The following SCAPER variants were observed in gnomAD, a reference collection of about 807,000 sequenced individuals.
SCAPER encodes the protein S-phase cyclin A associated protein in the ER.
SCAPER carries 98 observed loss-of-function variants against 182.2 expected under a neutral mutation model. The observed-to-expected ratio is 0.54, with a 90% CI of 0.46 to 0.64. SCAPER has a LOEUF of 0.64. SCAPER is among the 30% of genes least tolerant of loss of function. The pLI, the probability that SCAPER is intolerant of heterozygous loss-of-function variation, is 0.00. For missense variants in SCAPER, 1,432 were observed against 1,690.0 expected (o/e 0.85, Z 2.68); for synonymous variants, 605 against 564.6 (o/e 1.07, Z -1.01).
chr15:76,506,615 A>C (rs973738416), intron 23 of SCAPER, among the ~76,000 whole-genome samples: 1 of 152,116 alleles, frequency 6.6e-6, no homozygotes, highest in Admixed American at 6.6e-5. Context: ...GGAAGAGAAG[A>C]AGCACTCCAG....
At chr15:76,668,212 C>T (rs867275788) in intron 20 of SCAPER, among the ~76,000 whole-genome samples, 7 of 152,150 alleles carry the variant, frequency 4.6e-5, no homozygotes, top group African/African-American at 1.7e-4. Context: ...CTTATCCCTA[C>T]CACCACCACC....
At chr15:76,561,529 G>A (rs1045319917) in intron 23 of SCAPER, among the ~76,000 whole-genome samples, 5 of 151,934 alleles carry the variant, frequency 3.3e-5, no homozygotes, top group African/African-American at 9.7e-5. Context: ...TAATAAAACC[G>A]ATACTTGAGG....
At chr15:76,605,192 G>A (rs916272723) in intron 22 of SCAPER, among the ~76,000 whole-genome samples, 8 of 152,106 alleles carry the variant, frequency 5.3e-5, no homozygotes, top group South Asian at 2.1e-4. Flanking sequence ...TTTGAGATAC[G>A]ACCCATCAAT....
At chr15:76,900,937 T>C (rs1595969171) in intron 1 of SCAPER, among the ~76,000 whole-genome samples, 1 of 152,222 alleles carries the variant, frequency 6.6e-6, no homozygotes, top group Non-Finnish European at 1.5e-5. Context: ...ACCCATGTTT[T>C]TGCCTTTTCC....
At chr15:76,415,285 T>C (rs1021905175) in intron 26 of SCAPER, among the ~76,000 whole-genome samples, 1 of 152,228 alleles carries the variant, frequency 6.6e-6, no homozygotes, top group African/African-American at 2.4e-5. Context: ...GTATAAATTT[T>C]TGTCAGCAAA....
rs553308598 is a variant in SCAPER at position 76,513,062 on chromosome 15, C to T, written c.2839-8088G>A. Among the ~76,000 whole-genome samples the T allele has an allele frequency of 2.6e-5, 4 of 152,214 alleles. No individual in the cohort carries two copies. In the East Asian group the frequency reaches 7.7e-4, roughly 29 times the overall value. ...GTATCATCCTAAGTTCTTCATGTCCCACATCAAGCCCTATTCATCCATCAC... is the reference window on the plus strand; with the variant it reads ...GTATCATCCTAAGTTCTTCATGTCCTACATCAAGCCCTATTCATCCATCAC... On this transcript the variant is annotated intron_variant, in intron 23 of 31. Coordinates refer to ENST00000563290, the MANE Select transcript of SCAPER (RefSeq NM_020843.4).
intron 20 of SCAPER, among the ~76,000 whole-genome samples, chr15:76,688,911 C>T (rs1472931711): frequency 6.8e-6 from 1 of 147,462 alleles, no homozygotes; most frequent in Non-Finnish European, 1.5e-5. Flanking sequence ...TGCCCTGGCA[C>T]GATCTCGGCT....
intron 1 of SCAPER, among the ~76,000 whole-genome samples, chr15:76,889,439 A>C (rs2074041470): frequency 6.6e-6 from 1 of 152,228 alleles, no homozygotes; most frequent in Non-Finnish European, 1.5e-5. Context: ...TCTCATGTGC[A>C]GAGACACACA....
At chr15:76,351,213 A>C (rs768664642) in intron 31 of SCAPER, 24 bp downstream of exon 31, 5 of 1,593,206 alleles carry the variant, frequency 3.1e-6, no homozygotes, top group South Asian at 2.3e-5. Context: ...AAACACATGA[A>C]ATTTAATTTC....
chr15:76,428,655 G>C (rs1057003135), intron 26 of SCAPER, among the ~76,000 whole-genome samples: 1 of 151,772 alleles, frequency 6.6e-6, no homozygotes, highest in Non-Finnish European at 1.5e-5. Context: ...GAAGAAGAGA[G>C]GAGGAAGAGA....
At chr15:76,604,652 C>A (rs2050208583) in intron 22 of SCAPER, among the ~76,000 whole-genome samples, 1 of 151,780 alleles carries the variant, frequency 6.6e-6, no homozygotes, top group Non-Finnish European at 1.5e-5. Context: ...TTCTTCTTAC[C>A]CATGAGCATG....
chr15:76,451,462 G>C (rs2048362220), intron 25 of SCAPER, among the ~76,000 whole-genome samples: 1 of 152,182 alleles, frequency 6.6e-6, no homozygotes, highest in Non-Finnish European at 1.5e-5. Context: ...AAACACAGGA[G>C]TTTGTTAAAC....
intron 2 of SCAPER, among the ~76,000 whole-genome samples, chr15:76,880,729 A>AAAC (rs2073479564): frequency 6.6e-6 from 1 of 151,692 alleles, no homozygotes. Flanking sequence ...AAGAAAAAAA[A>AAAC]AAAACTCCCA....
chr15:76,668,535 A>T (rs2056788269), intron 20 of SCAPER, among the ~76,000 whole-genome samples: 1 of 152,174 alleles, frequency 6.6e-6, no homozygotes, highest in Non-Finnish European at 1.5e-5. Context: ...TTACTGCCTC[A>T]GGGCTCTATA....
chr15:76,736,346 T>C (rs2061262267), intron 15 of SCAPER, among the ~76,000 whole-genome samples: 2 of 152,204 alleles, frequency 1.3e-5, no homozygotes, highest in South Asian at 4.1e-4. Flanking sequence ...AAGGTTGAAG[T>C]GGCTGTGGCA....
At chr15:76,421,657 T>A in intron 26 of SCAPER, among the ~76,000 whole-genome samples, 1 of 152,248 alleles carries the variant, frequency 6.6e-6, no homozygotes, top group East Asian at 1.9e-4. Flanking sequence ...TGGCTTTTGT[T>A]GCCATTGCTT....
chr15:76,864,853 G>A (rs1208053327), intron 2 of SCAPER, among the ~76,000 whole-genome samples: 3 of 152,060 alleles, frequency 2.0e-5, no homozygotes, highest in Non-Finnish European at 4.4e-5. Context: ...CATATTACTT[G>A]TCATTTTGAA....
intron 22 of SCAPER, among the ~76,000 whole-genome samples, chr15:76,577,711 C>T (rs982528611): frequency 6.6e-6 from 1 of 152,152 alleles, no homozygotes; most frequent in African/African-American, 2.4e-5. Context: ...CCAGGAAGCA[C>T]TCGCCAAGGG....
intron 23 of SCAPER, among the ~76,000 whole-genome samples, chr15:76,510,708 T>C (rs916007708): frequency 6.6e-6 from 1 of 152,220 alleles, no homozygotes; most frequent in Non-Finnish European, 1.5e-5. Flanking sequence ...GATCCAGCAA[T>C]TCCACTACTG....
Sources: gnomAD v4.1 joint callset for allele counts (sites outside exome capture counted in the v4.1 genomes callset) on GRCh38, gnomAD v4.1.1 for gene constraint, MANE v1.5 for transcripts, NCBI Gene and HGNC (gene_info 2026-07-23, HGNC 2026-07-21) for gene names.